The following DCAF17 variants were observed in gnomAD, a reference collection of about 807,000 sequenced individuals.
DCAF17 encodes the protein DDB1 and CUL4 associated factor 17, also known as DDB1- and CUL4-associated factor 17.
In DCAF17, 48 loss-of-function variants were observed where a neutral mutation model predicts 66.0. That is an observed-to-expected ratio of 0.73 (90% CI 0.58 to 0.92). DCAF17 has a LOEUF of 0.92. Ranked by LOEUF, DCAF17 falls within the 40% of genes least tolerant of loss-of-function variation. The pLI is 0.00. For missense variants in DCAF17, 562 were observed against 622.8 expected (o/e 0.90, Z 1.04); for synonymous variants, 206 against 214.6 (o/e 0.96, Z 0.35).
chr2:171,484,110 G>C lies in DCAF17; in HGVS notation c.*2996G>C. On this transcript the variant is annotated 3_prime_UTR_variant, in exon 14 of 14. Transcript: ENST00000375255. Reference sequence around the variant, plus strand: ...ATTCAATGGTTAGCAGTCATTAAAAGGTACTTTCCCTTTGTTTGTGGTGAT... The same window carrying C: ...ATTCAATGGTTAGCAGTCATTAAAACGTACTTTCCCTTTGTTTGTGGTGAT... 1 of 453,344 alleles carries C rather than the reference G, an allele frequency of 2.2e-6. No individual in the cohort carries two copies. Among genetic ancestry groups the C allele is most frequent in the African/African-American group, 2.0e-5 (1 of 49,954 alleles). 28.1% of individuals were successfully genotyped at this position (453,344 alleles called of 1,614,324 possible). A position where few individuals can be genotyped will look rare whatever the true frequency, so the allele number is the denominator to read the frequency against.
Position 171,484,322 on chromosome 2 carries a change from T to C in DCAF17, c.*3208T>C, listed in dbSNP as rs1055644001. The C allele has an allele frequency of 7.2e-6, 3 of 418,974 alleles. No individual in the cohort carries two copies. The highest frequency in any genetic ancestry group is 6.2e-5 in the African/African-American group (3 of 48,058). 26.0% of individuals were successfully genotyped at this position (418,974 alleles called of 1,614,324 possible). A position where few individuals can be genotyped will look rare whatever the true frequency, so the allele number is the denominator to read the frequency against. ...AATAATTTATTTCAAACAAGGGACA[T>C]ACAATAGAAAGATAAGACCTACTGA... On this transcript the variant is annotated 3_prime_UTR_variant, in exon 14 of 14. Transcript: ENST00000375255.
At position 171,484,391 on chromosome 2, in the gene DCAF17, C is replaced by G. The variant is rs1020185626; in HGVS notation, c.*3277C>G. 2.6e-6 allele frequency: 1 copy of G among 389,760 alleles called. No individual in the cohort carries two copies. The highest frequency in any genetic ancestry group is 2.1e-5 in the African/African-American group (1 of 47,148). The allele number at this position is 389,760 out of a possible 1,614,324, so 24.1% of individuals were successfully genotyped here. A position where few individuals can be genotyped will look rare whatever the true frequency, so the allele number is the denominator to read the frequency against. The stretch of plus-strand genomic sequence containing the variant: ...TTATTATGAAAAATGTTCAAACATA[C>G]AGTAAAATTGAAAGAATTTTATAGT... On this transcript the variant is annotated 3_prime_UTR_variant, in exon 14 of 14. Transcript: ENST00000375255.
In DCAF17 at chr2:171,483,285, C is replaced by T. The variant is rs1321191063; in HGVS notation, c.*2171C>T. 2 of 453,992 alleles carry T rather than the reference C, an allele frequency of 4.4e-6. No homozygotes were observed. The highest frequency in any genetic ancestry group is 8.8e-6 in the Non-Finnish European group (2 of 226,808). The allele number at this position is 453,992 out of a possible 1,614,324, so 28.1% of individuals were successfully genotyped here. On this transcript the variant is annotated 3_prime_UTR_variant, in exon 14 of 14. Coordinates refer to ENST00000375255, the MANE Select transcript of DCAF17 (RefSeq NM_025000.4). Reference sequence around the variant, plus strand: ...ATATTTTAATTCGAGACTCTAGCTACATGCCCACCTACTTAACAGGTACTA... The same window carrying T: ...ATATTTTAATTCGAGACTCTAGCTATATGCCCACCTACTTAACAGGTACTA...
At chr2:171,444,818 A>G (rs1020088123) in intron 3 of DCAF17, among the ~76,000 whole-genome samples, 1 of 151,440 alleles carries the variant, frequency 6.6e-6, no homozygotes, top group Non-Finnish European at 1.5e-5. Context: ...TTTATTGTTA[A>G]TTTTTTTTTC....
intron 11 of DCAF17, 72 bp from the exon 12 acceptor site, chr2:171,477,915 G>T: frequency 7.5e-7 from 1 of 1,327,064 alleles, no homozygotes; most frequent in Non-Finnish European, 1.1e-6. Context: ...TACCAAATTT[G>T]TTAATACAGT....
intron 1 of DCAF17, 108 bp from the exon 2 acceptor site, chr2:171,434,975 C>CA: frequency 9.2e-7 from 1 of 1,091,632 alleles, no homozygotes; most frequent in Admixed American, 2.3e-5. Flanking sequence ...AGGAAGGATG[C>CA]AAAAAGTTTT....
chr2:171,466,030 A>T (rs541718643), intron 8 of DCAF17, among the ~76,000 whole-genome samples: 68 of 151,750 alleles, frequency 4.5e-4, no homozygotes, highest in Middle Eastern at 3.4e-3. Flanking sequence ...ATTAAAAAAA[A>T]TTTTTTTATT....
chr2:171,476,778 A>G, intron 10 of DCAF17, 82 bp from the exon 11 acceptor site: 1 of 921,778 alleles, frequency 1.1e-6, no homozygotes, highest in East Asian at 2.4e-5. Context: ...TTATTTGTTG[A>G]GTTTTACTTC....
rs74516180 is a variant in DCAF17 at position 171,448,429 on chromosome 2, T to TAAC, written c.322-252_322-251insAAC. Among the ~76,000 whole-genome samples, 30,684 of 152,048 alleles carry TAAC rather than the reference T, an allele frequency of 0.2. 3,222 individuals are homozygous for TAAC. The highest frequency in any genetic ancestry group is 0.28 in the South Asian group (1,348 of 4,812). ...CATTTGTGAATACTTAATAAAATAA[T>TAAC]TAATTCATAATAATAAATTATTTCA... On this transcript the variant is annotated intron_variant, in intron 3 of 13. Transcript: ENST00000375255.
chr2:171,457,951 T>C lies in DCAF17; in HGVS notation c.628-20T>C, dbSNP rs759440827. On this transcript the variant is annotated intron_variant, in intron 6 of 13. Transcript: ENST00000375255. The stretch of plus-strand genomic sequence containing the variant: ...ACTTCCAGTCTTTTCTCAGGTGATA[T>C]CTGTCTTTCCCCCCGCCAGATTTTT... 11 of 1,588,076 alleles carry C rather than the reference T, an allele frequency of 6.9e-6. No individual in the cohort carries two copies. Among genetic ancestry groups the C allele is most frequent in the South Asian group, 1.1e-5 (1 of 90,612 alleles).
chr2:171,453,291 A>G, intron 6 of DCAF17, 78 bp downstream of exon 6: 2 of 1,132,802 alleles, frequency 1.8e-6, no homozygotes, highest in Non-Finnish European at 2.5e-6. Context: ...TATTTATGAG[A>G]TATTTGATTG....
At chr2:171,468,151 T>G (rs1299218898) in intron 8 of DCAF17, among the ~76,000 whole-genome samples, 3 of 151,980 alleles carry the variant, frequency 2.0e-5, no homozygotes, top group Non-Finnish European at 4.4e-5. Flanking sequence ...CTACTTAAAG[T>G]TGTGATAAAA....
chr2:171,434,897 G>A (rs751025778), intron 1 of DCAF17, 186 bp from the exon 2 acceptor site: 120 of 1,041,858 alleles, frequency 1.2e-4, no homozygotes, highest in Non-Finnish European at 1.5e-4. Context: ...CGCTTCTTAT[G>A]TCTTACCTGG....
intron 10 of DCAF17, among the ~76,000 whole-genome samples, chr2:171,474,539 T>G (rs1456446372): frequency 6.6e-6 from 1 of 152,248 alleles, no homozygotes; most frequent in Non-Finnish European, 1.5e-5. Context: ...TAGTTGGGTC[T>G]TAAGCCCTCT....
chr2:171,434,853 G>A (rs1693740316), intron 1 of DCAF17, 150 bp downstream of exon 1: 2 of 1,215,822 alleles, frequency 1.6e-6, no homozygotes, highest in Non-Finnish European at 2.2e-6. Flanking sequence ...TCTGGGATAG[G>A]TGGTAATAGG....
At chr2:171,464,440 C>T (rs889136497) in intron 8 of DCAF17, among the ~76,000 whole-genome samples, 1 of 152,210 alleles carries the variant, frequency 6.6e-6, no homozygotes, top group Non-Finnish European at 1.5e-5. Context: ...CTGCCTCTCA[C>T]TTTTCCATGG....
chr2:171,441,344 A>T (rs1694296825), intron 2 of DCAF17, among the ~76,000 whole-genome samples: 1 of 152,058 alleles, frequency 6.6e-6, no homozygotes, highest in South Asian at 2.1e-4. Flanking sequence ...GCGCACTTGG[A>T]GTTGAGGAAA....
chr2:171,477,385 A>G (rs1450755908), intron 11 of DCAF17, among the ~76,000 whole-genome samples: 1 of 152,176 alleles, frequency 6.6e-6, no homozygotes, highest in Non-Finnish European at 1.5e-5. Context: ...TCCACTTTTT[A>G]TTTGCTGTGC....
intron 12 of DCAF17, 117 bp downstream of exon 12, chr2:171,478,187 C>A (rs1303639163): frequency 1.2e-6 from 1 of 867,994 alleles, no homozygotes; most frequent in Non-Finnish European, 1.9e-6. Flanking sequence ...TGCAGGCAGG[C>A]CAGTTGGGTG....
Sources: gnomAD v4.1 joint callset for allele counts (sites outside exome capture counted in the v4.1 genomes callset) on GRCh38, gnomAD v4.1.1 for gene constraint, MANE v1.5 for transcripts, NCBI Gene and HGNC (gene_info 2026-07-23, HGNC 2026-07-21) for gene names.